The following PABPC4L variants were observed in gnomAD, a reference collection of about 807,000 sequenced individuals.
PABPC4L encodes the protein poly(A) binding protein cytoplasmic 4 like, also known as polyadenylate-binding protein 4-like.
For synonymous variants in PABPC4L, 169 were observed against 164.1 expected (o/e 1.03, Z -0.23); for missense variants, 452 against 451.4 (o/e 1.00, Z -0.01).
Position 134,199,158 on chromosome 4 carries a change from G to T in PABPC4L, c.*749C>A, listed in dbSNP as rs553021123. On this transcript the variant is annotated 3_prime_UTR_variant, in exon 2 of 2. Transcript: ENST00000421491. ...CTTTGGATCACCTGAGTTGATAACA[G>T]ATTTATAACTTAAGGAATGTAGAAG... 1 of 152,118 alleles carries T rather than the reference G, an allele frequency of 6.6e-6. No individual in the cohort carries two copies. The highest frequency in any genetic ancestry group is 2.1e-4 in the South Asian group (1 of 4,828). 9.4% of individuals were successfully genotyped at this position (152,118 alleles called of 1,614,324 possible). A position where few individuals can be genotyped will look rare whatever the true frequency, so the allele number is the denominator to read the frequency against.
the PABPC4L span, among the ~76,000 whole-genome samples, chr4:134,056,004 C>T: frequency 5.9e-5 from 9 of 151,856 alleles, no homozygotes; most frequent in Non-Finnish European, 8.8e-5. Flanking sequence ...ATGTATGAGA[C>T]ATAGATTGAG....
chr4:133,985,958 A>C, the PABPC4L span, among the ~76,000 whole-genome samples: 1 of 152,096 alleles, frequency 6.6e-6, no homozygotes, highest in African/African-American at 2.4e-5. Context: ...AGTAAAAATT[A>C]TTAAGCTCTG....
chr4:134,165,201 A>C, the PABPC4L span, among the ~76,000 whole-genome samples: 1 of 152,250 alleles, frequency 6.6e-6, no homozygotes. Context: ...ACCTAGGATA[A>C]ACTCTTTTGG....
chr4:134,134,499 T>A, the PABPC4L span, among the ~76,000 whole-genome samples: 18 of 151,878 alleles, frequency 1.2e-4, no homozygotes, highest in East Asian at 3.3e-3. Context: ...GTAATTTTTT[T>A]AAAGGAAATA....
chr4:134,190,043 G>A, the PABPC4L span, among the ~76,000 whole-genome samples: 10 of 152,078 alleles, frequency 6.6e-5, no homozygotes, highest in Non-Finnish European at 1.2e-4. Flanking sequence ...CAAAAGTGTG[G>A]GAACCCCCAA....
chr4:134,021,285 G>A, the PABPC4L span, among the ~76,000 whole-genome samples: 2 of 152,100 alleles, frequency 1.3e-5, no homozygotes, highest in East Asian at 1.9e-4. Context: ...AAGAGCAACT[G>A]GGGGCTCATT....
At chr4:134,011,827 T>C in the PABPC4L span, among the ~76,000 whole-genome samples, 22,114 of 152,088 alleles carry the variant, frequency 0.15, 1,942 homozygotes, top group Non-Finnish European at 0.19. Flanking sequence ...TATTTAGGAA[T>C]TGCTTAAGCA....
chr4:134,201,028 C>T lies in PABPC4L; in HGVS notation c.-9G>A. 1 of 1,551,742 alleles carries T rather than the reference C, an allele frequency of 6.4e-7. No homozygotes were observed. The highest frequency in any genetic ancestry group is 1.2e-5 in the South Asian group (1 of 84,054). On this transcript the variant is annotated 5_prime_UTR_variant, in exon 2 of 2. Transcript: ENST00000421491. Reference sequence around the variant, plus strand: ...TTGGCTGCTACATTCATCTCCTTGTCCTTGCCACTGTGAGTTTGTCCCCTG... The same window carrying T: ...TTGGCTGCTACATTCATCTCCTTGTTCTTGCCACTGTGAGTTTGTCCCCTG...
the PABPC4L span, among the ~76,000 whole-genome samples, chr4:134,116,205 A>C: frequency 1.3e-5 from 2 of 151,744 alleles, no homozygotes; most frequent in Non-Finnish European, 2.9e-5. Flanking sequence ...CCTGTTATTC[A>C]CTCCCAGTCA....
At chr4:133,986,515 A>G in the PABPC4L span, among the ~76,000 whole-genome samples, 6 of 152,162 alleles carry the variant, frequency 3.9e-5, no homozygotes, top group Non-Finnish European at 5.9e-5. Context: ...AGAGAAATAA[A>G]ATGCTTTGAT....
chr4:134,106,682 T>C, the PABPC4L span, among the ~76,000 whole-genome samples: 1 of 151,506 alleles, frequency 6.6e-6, no homozygotes, highest in Non-Finnish European at 1.5e-5. Flanking sequence ...TAGCGAAGAC[T>C]AAGGGATGAG....
chr4:134,090,801 T>A, the PABPC4L span, among the ~76,000 whole-genome samples: 2 of 151,972 alleles, frequency 1.3e-5, no homozygotes, highest in Non-Finnish European at 2.9e-5. Context: ...TTGCTGCCTA[T>A]GAAATGATGC....
chr4:134,138,851 G>T, the PABPC4L span, among the ~76,000 whole-genome samples: 1 of 151,718 alleles, frequency 6.6e-6, no homozygotes, highest in Non-Finnish European at 1.5e-5. Flanking sequence ...TCAGCTTTGT[G>T]CTCATACTAC....
Position 134,200,946 on chromosome 4 carries a change from A to G in PABPC4L, c.74T>C (p.Leu25Pro), listed in dbSNP as rs1729850402. 1 of 1,557,626 alleles carries G rather than the reference A, an allele frequency of 6.4e-7. No homozygotes were observed. ...GDLHADVTED[L>P]LFRKFSTVGP... ...CACAGTGCTGAACTTCCTGAACAGC[A>G]GGTCCTCGGTGACATCTGCATGTAA... The change falls in exon 2 of 2, where the codon CTG becomes CCG. Residue 25 changes from leucine (L) to proline (P), a missense_variant. Transcript: ENST00000421491.
chr4:134,170,046 A>G, the PABPC4L span, among the ~76,000 whole-genome samples: 1 of 152,040 alleles, frequency 6.6e-6, no homozygotes, highest in African/African-American at 2.4e-5. Context: ...CACACTCCAC[A>G]CTCAAGTAGA....
chr4:134,024,245 T>G, the PABPC4L span, among the ~76,000 whole-genome samples: 1 of 152,158 alleles, frequency 6.6e-6, no homozygotes, highest in Admixed American at 6.6e-5. Context: ...ATCAACTCTC[T>G]GGAAAGCCCT....
At chr4:133,982,265 T>C in the PABPC4L span, among the ~76,000 whole-genome samples, 5 of 152,016 alleles carry the variant, frequency 3.3e-5, no homozygotes, top group Non-Finnish European at 7.4e-5. Context: ...CACAAATTTA[T>C]TCATATTATT....
chr4:134,099,587 G>A, the PABPC4L span, among the ~76,000 whole-genome samples: 1 of 151,572 alleles, frequency 6.6e-6, no homozygotes, highest in African/African-American at 2.4e-5. Context: ...TTTGAAAGAA[G>A]AGTTTTCCAT....
At chr4:134,119,143 T>C in the PABPC4L span, among the ~76,000 whole-genome samples, 1 of 151,532 alleles carries the variant, frequency 6.6e-6, no homozygotes, top group Non-Finnish European at 1.5e-5. Flanking sequence ...TATTATCGCA[T>C]AACCACATGC....
Sources: gnomAD v4.1 joint callset for allele counts (sites outside exome capture counted in the v4.1 genomes callset) on GRCh38, gnomAD v4.1.1 for gene constraint, MANE v1.5 for transcripts, NCBI Gene and HGNC (gene_info 2026-07-23, HGNC 2026-07-21) for gene names.